The following CDH12 variants were observed in gnomAD, a reference collection of about 807,000 sequenced individuals.
CDH12 encodes the protein cadherin 12.
In CDH12, 41 loss-of-function variants were observed where a neutral mutation model predicts 74.1. The ratio of observed to expected loss-of-function variants is 0.55; its 90% CI spans 0.43 to 0.72. CDH12 has a LOEUF of 0.72. CDH12 is among the 30% of genes least tolerant of loss of function. The pLI is 0.00. For missense variants in CDH12, 945 were observed against 977.2 expected, an observed-to-expected ratio of 0.97 and a Z score of 0.44; for synonymous variants, 399 against 355.0, an observed-to-expected ratio of 1.12 and a Z score of -1.39.
At chr5:22,288,464 G>A (rs1737250088) in intron 3 of CDH12, among the ~76,000 whole-genome samples, 1 of 152,082 alleles carries the variant, frequency 6.6e-6, no homozygotes, top group African/African-American at 2.4e-5. Flanking sequence ...TTCTACATAT[G>A]TGTGTGTATG....
chr5:22,529,188 TAGAG>T (rs374921601), intron 1 of CDH12, among the ~76,000 whole-genome samples: 5,595 of 84,298 alleles, frequency 0.066, 210 homozygotes, highest in South Asian at 0.12. Context: ...TATATATATA[TAGAG>T]AGAGAGAGAG....
At chr5:22,405,405 T>C in intron 2 of CDH12, 54 bp from the exon 3 acceptor site, 2 of 359,658 alleles carry the variant, frequency 5.6e-6, no homozygotes, top group Middle Eastern at 2.9e-3. Flanking sequence ...CTCTGTATTC[T>C]GTGCATCATT....
chr5:22,248,163 G>A (rs550378222), intron 3 of CDH12, among the ~76,000 whole-genome samples: 2 of 152,106 alleles, frequency 1.3e-5, no homozygotes, highest in Non-Finnish European at 2.9e-5. Flanking sequence ...AGCTGGGCGT[G>A]GTAGTGCATG....
intron 1 of CDH12, among the ~76,000 whole-genome samples, chr5:22,703,616 A>T (rs1742833315): frequency 6.6e-6 from 1 of 152,122 alleles, no homozygotes; most frequent in African/African-American, 2.4e-5. Flanking sequence ...GTTAAGAAAA[A>T]TGTGGCAAAA....
At chr5:22,258,849 TG>T (rs1309517431) in intron 3 of CDH12, among the ~76,000 whole-genome samples, 1 of 152,122 alleles carries the variant, frequency 6.6e-6, no homozygotes, top group African/African-American at 2.4e-5. Flanking sequence ...CACCTAGGTT[TG>T]CGTTAAGTAC....
intron 4 of CDH12, among the ~76,000 whole-genome samples, chr5:22,109,899 A>AT (rs1744707611): frequency 6.6e-6 from 1 of 152,180 alleles, no homozygotes; most frequent in Non-Finnish European, 1.5e-5. Context: ...AGAAGCCCTC[A>AT]TAAGGACAGG....
intron 2 of CDH12, among the ~76,000 whole-genome samples, chr5:22,498,972 T>C (rs956747897): frequency 2.7e-5 from 4 of 147,616 alleles, no homozygotes; most frequent in Non-Finnish European, 5.9e-5. Context: ...GGCATGATCT[T>C]GGCTCACTGC....
chr5:22,528,303 A>G (rs1737381960), intron 1 of CDH12, among the ~76,000 whole-genome samples: 1 of 152,116 alleles, frequency 6.6e-6, no homozygotes, highest in Non-Finnish European at 1.5e-5. Flanking sequence ...CTGGTGGTGG[A>G]GAGGTCTCTT....
chr5:22,672,933 T>C (rs1168569767), intron 1 of CDH12, among the ~76,000 whole-genome samples: 1 of 152,212 alleles, frequency 6.6e-6, no homozygotes, highest in Non-Finnish European at 1.5e-5. Context: ...TTATGCCTAA[T>C]GTCATTGCTG....
intron 10 of CDH12, among the ~76,000 whole-genome samples, chr5:21,800,886 T>A (rs1221058539): frequency 6.6e-6 from 1 of 152,156 alleles, no homozygotes; most frequent in African/African-American, 2.4e-5. Context: ...CCATGTAAGA[T>A]GCGCCTGCTT....
At chr5:21,985,089 T>C (rs529834080) in intron 5 of CDH12, among the ~76,000 whole-genome samples, 2 of 152,302 alleles carry the variant, frequency 1.3e-5, no homozygotes, top group Admixed American at 1.3e-4. Context: ...CGAAGCCCCA[T>C]AAGTTTCAAG....
intron 3 of CDH12, among the ~76,000 whole-genome samples, chr5:22,380,361 A>G (rs955880753): frequency 6.6e-6 from 1 of 152,168 alleles, no homozygotes; most frequent in African/African-American, 2.4e-5. Flanking sequence ...TTATTCTCAA[A>G]GGTTCTTTTG....
At chr5:22,186,521 A>C (rs1348919864) in intron 4 of CDH12, among the ~76,000 whole-genome samples, 1 of 152,168 alleles carries the variant, frequency 6.6e-6, no homozygotes, top group Non-Finnish European at 1.5e-5. Context: ...CCCAGGCTGG[A>C]GTGCAGTGAT....
At chr5:22,717,071 G>T (rs1743615540) in intron 1 of CDH12, among the ~76,000 whole-genome samples, 2 of 152,030 alleles carry the variant, frequency 1.3e-5, no homozygotes, top group Non-Finnish European at 2.9e-5. Flanking sequence ...TATTACTGAA[G>T]AAAAATGTTT....
intron 1 of CDH12, among the ~76,000 whole-genome samples, chr5:22,650,265 G>A (rs929853851): frequency 6.6e-6 from 1 of 151,954 alleles, no homozygotes; most frequent in Non-Finnish European, 1.5e-5. Context: ...AACTTCAGAG[G>A]GAGGGTTTGT....
intron 2 of CDH12, among the ~76,000 whole-genome samples, chr5:22,497,927 G>C (rs1015201470): frequency 6.6e-6 from 1 of 152,026 alleles, no homozygotes; most frequent in Non-Finnish European, 1.5e-5. Flanking sequence ...ACAGGGATGA[G>C]CCAGCGTGAG....
At chr5:22,601,603 C>T (rs1351107784) in intron 1 of CDH12, among the ~76,000 whole-genome samples, 2 of 151,972 alleles carry the variant, frequency 1.3e-5, no homozygotes, top group Non-Finnish European at 2.9e-5. Flanking sequence ...AATTTCCTTT[C>T]ATCTGAAAGG....
At chr5:21,794,577 C>T (rs867098027) in intron 10 of CDH12, among the ~76,000 whole-genome samples, 2 of 151,710 alleles carry the variant, frequency 1.3e-5, no homozygotes, top group Middle Eastern at 6.8e-3. Flanking sequence ...CCATATCAAA[C>T]CTTCTGTTTT....
At chr5:22,182,312 G>A (rs1169746729) in intron 4 of CDH12, among the ~76,000 whole-genome samples, 1 of 152,048 alleles carries the variant, frequency 6.6e-6, no homozygotes, top group Non-Finnish European at 1.5e-5. Context: ...TGACTTCCCA[G>A]GTTTCTCAAT....
Sources: allele counts gnomAD v4.1 joint callset (sites outside exome capture counted in the v4.1 genomes callset), GRCh38; gene constraint gnomAD v4.1.1; transcripts MANE v1.5; gene names NCBI Gene and HGNC (gene_info 2026-07-23, HGNC 2026-07-21).